Variants in PTGFRN observed in about 807,000 individuals in gnomAD.
PTGFRN encodes prostaglandin F2 receptor inhibitor.
Under a neutral mutation model 83.2 loss-of-function variants are expected in PTGFRN, and 35 were observed. The ratio of observed to expected loss-of-function variants is 0.42; its 90% CI spans 0.32 to 0.56. The LOEUF is 0.56. Ranked by LOEUF, PTGFRN falls within the 20% of genes least tolerant of loss-of-function variation. The pLI, the probability that PTGFRN is intolerant of heterozygous loss-of-function variation, is 0.11. For missense variants in PTGFRN, 1,051 were observed against 1,179.5 expected, an observed-to-expected ratio of 0.89 and a Z score of 1.60; for synonymous variants, 519 against 498.6, an observed-to-expected ratio of 1.04 and a Z score of -0.55.
chr1:116,937,047 G>A (rs145683939), intron 1 of PTGFRN, among the ~76,000 whole-genome samples: 3 of 152,212 alleles, frequency 2.0e-5, no homozygotes, highest in South Asian at 2.1e-4. Flanking sequence ...CTCAGGAAAG[G>A]CCTCATTGAG....
intron 2 of PTGFRN, among the ~76,000 whole-genome samples, chr1:116,943,432 TC>T (rs1386608266): frequency 6.6e-6 from 1 of 152,152 alleles, no homozygotes; most frequent in African/African-American, 2.4e-5. Context: ...GCACCCCACT[TC>T]CTCCAGTATC....
rs757606870 is a variant in PTGFRN, at chr1:116,941,989, C to T, written c.324C>T (p.Asn108=). The T allele has an allele frequency of 1.9e-5, 30 of 1,614,066 alleles. No homozygotes were observed. Among genetic ancestry groups the T allele is most frequent in the Admixed American group, 3.3e-5 (2 of 60,008 alleles). The change falls in exon 2 of 9, where the codon AAC becomes AAT. Residue 108 remains asparagine (N), a synonymous_variant. Transcript: ENST00000393203. This position sits in a 1 kb window ranked among gnomAD's most constrained non-coding sequence, Gnocchi z 5.0. Reference sequence around the variant, plus strand: ...ACGCCGTGGAGCTCCACATAAAGAACGTCCAGCCTTCAGACCAAGGCCACT... The same window carrying T: ...ACGCCGTGGAGCTCCACATAAAGAATGTCCAGCCTTCAGACCAAGGCCACT... ...ANDAVELHIK[N]VQPSDQGHYK...
rs928615409 is a variant in PTGFRN, at chr1:116,984,681, T to C, written c.2169T>C (p.Asp723=). The change falls in exon 8 of 9, where the codon GAT becomes GAC. Residue 723 remains aspartate, a splice_region_variant and synonymous_variant. Transcript: ENST00000393203. ...ITVEGAALDP[D]DMAFDVSWFA... Reference sequence around the variant, plus strand: ...GGGTTTTGGCTTGGTAATCCGTAGATGACATGGCCTTTGATGTGTCCTGGT... The same window carrying C: ...GGGTTTTGGCTTGGTAATCCGTAGACGACATGGCCTTTGATGTGTCCTGGT... The C allele has an allele frequency of 9.9e-6, 16 of 1,613,112 alleles. No homozygotes were observed. The highest frequency in any genetic ancestry group is 1.4e-5 in the Non-Finnish European group (16 of 1,179,316).
chr1:116,978,948 T>C (rs1651233850), intron 7 of PTGFRN, among the ~76,000 whole-genome samples: 1 of 152,306 alleles, frequency 6.6e-6, no homozygotes, highest in East Asian at 1.9e-4. Flanking sequence ...TGTTTGCAGA[T>C]GACATGATTG....
At chr1:116,953,664 TG>T (rs1263857958) in intron 4 of PTGFRN, among the ~76,000 whole-genome samples, 2 of 151,950 alleles carry the variant, frequency 1.3e-5, no homozygotes, top group African/African-American at 4.8e-5. Context: ...TCTTAGGGCA[TG>T]GAGGAGCCCA....
rs1327097490 is a variant in PTGFRN, at chr1:116,984,723, T to C, written c.2211T>C (p.Phe737=). The change falls in exon 8 of 9, where the codon TTT becomes TTC. Residue 737 remains phenylalanine (F), a synonymous_variant. Coordinates refer to ENST00000393203, the MANE Select transcript of PTGFRN (RefSeq NM_020440.4). ...FDVSWFAVHS[F]GLDKAPVLLS... is the part of the protein sequence containing the mutation. ...TGTCCTGGTTTGCGGTGCACTCTTTTGGCCTGGACAAGGCTCCTGTGCTCC... is the reference window on the plus strand; with the variant it reads ...TGTCCTGGTTTGCGGTGCACTCTTTCGGCCTGGACAAGGCTCCTGTGCTCC... 6.8e-6 allele frequency: 11 copies of C among 1,614,090 alleles called. No individual in the cohort carries two copies. The highest frequency in any genetic ancestry group is 2.7e-5 in the African/African-American group (2 of 74,938).
chr1:116,920,467 C>T (rs1649509591), intron 1 of PTGFRN, among the ~76,000 whole-genome samples: 1 of 152,188 alleles, frequency 6.6e-6, no homozygotes, highest in South Asian at 2.1e-4. Context: ...GTGTCTTCTC[C>T]CTTCAGCCTA....
chr1:116,910,583 C>T (rs372858656), intron 1 of PTGFRN, among the ~76,000 whole-genome samples: 1 of 152,048 alleles, frequency 6.6e-6, no homozygotes, highest in Non-Finnish European at 1.5e-5. Context: ...GAGCCCGGCT[C>T]ACCTTGAACT....
At chr1:116,982,236 A>G (rs920285492) in intron 7 of PTGFRN, among the ~76,000 whole-genome samples, 4 of 152,222 alleles carry the variant, frequency 2.6e-5, no homozygotes, top group African/African-American at 4.8e-5. Context: ...GTAAATTAAT[A>G]GGTCACCAGT....
chr1:116,920,289 C>T (rs1043673069), intron 1 of PTGFRN, among the ~76,000 whole-genome samples: 4 of 152,210 alleles, frequency 2.6e-5, no homozygotes, highest in Non-Finnish European at 4.4e-5. Context: ...TCAGGCAGAC[C>T]CCTGGGGGAA....
chr1:116,944,620 G>A (rs1402314028), intron 2 of PTGFRN, 59 bp from the exon 3 acceptor site: 2 of 1,342,166 alleles, frequency 1.5e-6, no homozygotes, highest in African/African-American at 1.5e-5. Context: ...CGGTGGGCTG[G>A]CCCTTGCCGG....
chr1:116,982,371 C>A (rs1651344063), intron 7 of PTGFRN, among the ~76,000 whole-genome samples: 4 of 152,108 alleles, frequency 2.6e-5, no homozygotes, highest in Admixed American at 2.0e-4. Context: ...ATGGAAGATA[C>A]TGAATTATTA....
intron 1 of PTGFRN, among the ~76,000 whole-genome samples, chr1:116,934,605 ATTAAT>A (rs1488018265): frequency 6.6e-6 from 1 of 151,904 alleles, no homozygotes; most frequent in African/African-American, 2.4e-5. Context: ...TCTTTAGTAA[ATTAAT>A]TATAGTTAGT....
chr1:116,980,252 T>C (rs979064577), intron 7 of PTGFRN, among the ~76,000 whole-genome samples: 2 of 152,196 alleles, frequency 1.3e-5, no homozygotes, highest in Non-Finnish European at 2.9e-5. Flanking sequence ...AGGAACACTT[T>C]TACACTGTTG....
At chr1:116,948,160 A>G (rs999385846) in intron 3 of PTGFRN, among the ~76,000 whole-genome samples, 4 of 152,178 alleles carry the variant, frequency 2.6e-5, no homozygotes, top group African/African-American at 4.8e-5. Flanking sequence ...TCCCCTGGGA[A>G]GTGCTTGGTA....
Position 116,924,099 on chromosome 1 carries a change from C to T in PTGFRN, c.49+13847C>T, listed in dbSNP as rs990270524. Among the ~76,000 whole-genome samples, 9 of 151,466 alleles carry T rather than the reference C, an allele frequency of 5.9e-5. No individual in the cohort carries two copies. In the East Asian group the frequency reaches 1.7e-3, roughly 29 times the overall value. On this transcript the variant is annotated intron_variant, in intron 1 of 8. Coordinates refer to ENST00000393203, the MANE Select transcript of PTGFRN (RefSeq NM_020440.4). ...GAAAAGGTAAGTATGATCCCCTGTA[C>T]CTGTTTATATCACTACCTATGTCTC...
At position 116,909,965 on chromosome 1, in the gene PTGFRN, G is replaced by A. The variant is rs563521964; in HGVS notation, c.-239G>A. 43 of 572,314 alleles carry A rather than the reference G, an allele frequency of 7.5e-5. No individual in the cohort carries two copies. The highest frequency in any genetic ancestry group is 7.3e-4 in the African/African-American group (37 of 50,366). The allele number at this position is 572,314 out of a possible 1,614,324, so 35.5% of individuals were successfully genotyped here. A position where few individuals can be genotyped will look rare whatever the true frequency, so the allele number is the denominator to read the frequency against. ...GGGGCTGCACACTCGGATCGGCGGGGCCGGCTCCCGGGCCCGGCCGGCTGG... is the reference window on the plus strand; with the variant it reads ...GGGGCTGCACACTCGGATCGGCGGGACCGGCTCCCGGGCCCGGCCGGCTGG... On this transcript the variant is annotated 5_prime_UTR_variant, in exon 1 of 9. Coordinates refer to ENST00000393203, the MANE Select transcript of PTGFRN (RefSeq NM_020440.4).
At chr1:116,911,965 C>G (rs1426631273) in intron 1 of PTGFRN, among the ~76,000 whole-genome samples, 14 of 152,198 alleles carry the variant, frequency 9.2e-5, no homozygotes, top group Admixed American at 8.5e-4. Flanking sequence ...TGTACAACTT[C>G]GGGAGCTGCT....
chr1:116,914,538 A>T, intron 1 of PTGFRN, among the ~76,000 whole-genome samples: 1 of 152,142 alleles, frequency 6.6e-6, no homozygotes, highest in East Asian at 1.9e-4. Context: ...ATTGCTTGAG[A>T]TCAGGAGATC....
Sources: gnomAD v4.1 joint callset for allele counts (sites outside exome capture counted in the v4.1 genomes callset) on GRCh38, gnomAD v4.1.1 for gene constraint, Gnocchi (gnomAD v3.1) non-coding constraint, MANE v1.5 for transcripts, NCBI Gene and HGNC (gene_info 2026-07-23, HGNC 2026-07-21) for gene names.